Variants in GALNT13 observed in about 807,000 individuals in gnomAD.
The protein encoded by GALNT13 is UDP-GalNAc:polypeptide N-acetylgalactosaminyltransferase 13.
In GALNT13, 28 loss-of-function variants were observed where a neutral mutation model predicts 64.2. The ratio of observed to expected loss-of-function variants is 0.44; its 90% confidence interval spans 0.32 to 0.60. The LOEUF (loss-of-function observed/expected upper bound fraction) is 0.60, where lower values mean the gene tolerates loss of function less well. Among genes scored for constraint, GALNT13 ranks in the 20% least tolerant of loss-of-function variants. GALNT13 has a pLI of 0.05. For missense variants in GALNT13, 577 were observed against 669.8 expected (o/e 0.86, Z 1.53); for synonymous variants, 214 against 224.6 (o/e 0.95, Z 0.42).
intron 12 of GALNT13, chr2:154,446,371 C>T: frequency 2.5e-6 from 1 of 395,356 alleles, no homozygotes; most frequent in Admixed American, 4.1e-5. Context: ...TCAGTCTTAT[C>T]TTCATTTACT....
chr2:153,312,015 AATG>A, the GALNT13 span, among the ~76,000 whole-genome samples: 1 of 152,224 alleles, frequency 6.6e-6, no homozygotes, highest in Admixed American at 6.5e-5. Context: ...GAATTTTTTA[AATG>A]ATGATATTAT....
At chr2:153,784,015 C>G in the GALNT13 span, among the ~76,000 whole-genome samples, 1 of 152,016 alleles carries the variant, frequency 6.6e-6, no homozygotes, top group Non-Finnish European at 1.5e-5. Context: ...AAATGTGACC[C>G]GTAAATGTTC....
At chr2:154,036,783 A>G (rs1040772504) in intron 3 of GALNT13, among the ~76,000 whole-genome samples, 7 of 152,234 alleles carry the variant, frequency 4.6e-5, no homozygotes, top group East Asian at 3.9e-4. Flanking sequence ...AAACCTGAGG[A>G]TGGTCTACAA....
At chr2:153,945,546 G>T (rs886465967) in intron 3 of GALNT13, among the ~76,000 whole-genome samples, 1 of 152,080 alleles carries the variant, frequency 6.6e-6, no homozygotes, top group African/African-American at 2.4e-5. Context: ...TTTTGGAAAA[G>T]TGAATCTAAA....
the GALNT13 span, among the ~76,000 whole-genome samples, chr2:153,590,479 A>G: frequency 1.2e-4 from 5 of 41,130 alleles, no homozygotes; most frequent in African/African-American, 1.1e-3. Context: ...CTCTAATTCA[A>G]TGAGGCCAGT....
the GALNT13 span, among the ~76,000 whole-genome samples, chr2:153,264,723 C>G: frequency 1.3e-5 from 2 of 152,196 alleles, no homozygotes; most frequent in Non-Finnish European, 2.9e-5. Flanking sequence ...ACTGCTTGTA[C>G]TCACTTATAA....
At chr2:154,154,934 T>TTGTGTGTGTG (rs60456139) in intron 4 of GALNT13, among the ~76,000 whole-genome samples, 5 of 149,418 alleles carry the variant, frequency 3.3e-5, no homozygotes, top group Admixed American at 6.7e-5. Flanking sequence ...TTGTTTATGT[T>TTGTGTGTGTG]TGTGTGTGTG....
the GALNT13 span, among the ~76,000 whole-genome samples, chr2:153,316,639 C>CAAAAAAAAAAAAAAAAAAAAAAAAAA: frequency 1.4e-5 from 1 of 69,852 alleles, no homozygotes; most frequent in Non-Finnish European, 2.6e-5. Flanking sequence ...GACTCCGTCT[C>CAAAAAAAAAAAAAAAAAAAAAAAAAA]AAAAAAAAAA....
the GALNT13 span, among the ~76,000 whole-genome samples, chr2:153,721,852 A>G: frequency 6.6e-6 from 1 of 151,596 alleles, no homozygotes; most frequent in Non-Finnish European, 1.5e-5. Context: ...CCACACAATA[A>G]TAATCGGAGA....
chr2:153,934,557 G>A (rs750602605), intron 2 of GALNT13, among the ~76,000 whole-genome samples: 3 of 152,146 alleles, frequency 2.0e-5, no homozygotes, highest in Non-Finnish European at 2.9e-5. Context: ...CAAATGTCAC[G>A]TGTCAATGCA....
chr2:153,793,596 A>G, the GALNT13 span, among the ~76,000 whole-genome samples: 2 of 152,046 alleles, frequency 1.3e-5, no homozygotes, highest in South Asian at 2.1e-4. Context: ...CTGAAACCTA[A>G]TATTTTCAGT....
intron 3 of GALNT13, among the ~76,000 whole-genome samples, chr2:153,992,147 T>C (rs1468710191): frequency 1.3e-5 from 2 of 152,212 alleles, no homozygotes; most frequent in Non-Finnish European, 2.9e-5. Flanking sequence ...TTTTATGTTA[T>C]GTTTTCAATC....
intron 9 of GALNT13, among the ~76,000 whole-genome samples, chr2:154,369,889 GA>G (rs1349144298): frequency 2.0e-5 from 3 of 152,088 alleles, no homozygotes; most frequent in South Asian, 4.1e-4. Context: ...TGTGTGTGTA[GA>G]GGGGGAGAAA....
At chr2:153,154,479 AT>A in the GALNT13 span, among the ~76,000 whole-genome samples, 1 of 152,196 alleles carries the variant, frequency 6.6e-6, no homozygotes, top group South Asian at 2.1e-4. Context: ...AGTTAGCTAT[AT>A]TCCTAGGTAT....
chr2:153,303,209 A>AT, the GALNT13 span, among the ~76,000 whole-genome samples: 200 of 151,000 alleles, frequency 1.3e-3, no homozygotes, highest in African/African-American at 2.2e-3. Context: ...ATTTTCTTCC[A>AT]TTTTTTTTTA....
downstream of GALNT13, among the ~76,000 whole-genome samples, chr2:154,455,115 CAG>C (rs769132145): frequency 7.2e-5 from 11 of 152,034 alleles, no homozygotes; most frequent in Non-Finnish European, 1.6e-4. Context: ...AAAAAGTGTA[CAG>C]AGAGAGAAAA....
At chr2:153,225,387 T>C in the GALNT13 span, among the ~76,000 whole-genome samples, 1 of 152,202 alleles carries the variant, frequency 6.6e-6, no homozygotes, top group African/African-American at 2.4e-5. Context: ...TAATATCGCA[T>C]TTAATGTTGA....
chr2:154,149,464 A>G (rs1683839349), intron 4 of GALNT13, among the ~76,000 whole-genome samples: 2 of 152,114 alleles, frequency 1.3e-5, no homozygotes, highest in South Asian at 4.1e-4. Flanking sequence ...TTCTGTGAAG[A>G]AAGTCATTGG....
At chr2:153,720,915 A>T in the GALNT13 span, among the ~76,000 whole-genome samples, 4 of 151,980 alleles carry the variant, frequency 2.6e-5, no homozygotes, top group Non-Finnish European at 5.9e-5. Flanking sequence ...GAACTTCCCC[A>T]ATCTAGCAAG....
Sources: gnomAD v4.1 joint callset for allele counts (sites outside exome capture counted in the v4.1 genomes callset) on GRCh38, gnomAD v4.1.1 for gene constraint, MANE v1.5 for transcripts, NCBI Gene and HGNC (gene_info 2026-07-23, HGNC 2026-07-21) for gene names.